Variants in SLC22A24 observed in about 807,000 individuals in gnomAD.
The protein encoded by SLC22A24 is steroid transmembrane transporter SLC22A24.
Under a neutral mutation model 49.8 loss-of-function variants are expected in SLC22A24, and 53 were observed. The observed-to-expected ratio is 1.06, with a 90% CI of 0.85 to 1.34. The LOEUF is 1.34. SLC22A24 is among the 40% of genes most tolerant of loss of function. The pLI is 0.00. For missense variants in SLC22A24, 786 were observed against 675.9 expected (o/e 1.16, Z -1.81); for synonymous variants, 302 against 256.4 (o/e 1.18, Z -1.70).
chr11:63,119,015 C>A lies in SLC22A24; in HGVS notation c.727G>T (p.Val243Phe), dbSNP rs577995690. 3 of 1,551,564 alleles carry A rather than the reference C, an allele frequency of 1.9e-6. No individual in the cohort carries two copies. The highest frequency in any genetic ancestry group is 2.6e-6 in the Non-Finnish European group (3 of 1,146,942). ...AGCCCTCCTAGGAGCATCTGCCCAA[C>A]ACTGTAGGAACATAATAGCACCATT... ...TIMVLLCSYS[V>F]GQMLLGGLAF... Residue 243 changes from valine (V) to phenylalanine (F), a missense_variant, in exon 4 of 10, where the codon GTT becomes TTT. Val to Phe is a conservative substitution (Grantham distance 50). Coordinates refer to ENST00000612278, the MANE Select transcript of SLC22A24 (RefSeq NM_001136506.2).
At chr11:63,118,443 T>C (rs924196740) in intron 4 of SLC22A24, 1 of 175,638 alleles carries the variant, frequency 5.7e-6, no homozygotes, top group Non-Finnish European at 1.2e-5. Flanking sequence ...AACCAATTTT[T>C]GGAGATCCTA....
At chr11:63,140,808 T>C (rs2087410274) in intron 1 of SLC22A24, among the ~76,000 whole-genome samples, 1 of 152,178 alleles carries the variant, frequency 6.6e-6, no homozygotes, top group Non-Finnish European at 1.5e-5. Context: ...GGCATAAGAA[T>C]ATGGCTTTTG....
rs1355312764 is a variant in SLC22A24 at position 63,104,308 on chromosome 11, G to GA, written c.831-11dup. The GA allele has an allele frequency of 6.5e-7, 1 of 1,546,898 alleles. No homozygotes were observed. Among genetic ancestry groups the GA allele is most frequent in the African/African-American group, 1.4e-5 (1 of 72,806 alleles). On this transcript the variant is annotated splice_polypyrimidine_tract_variant and intron_variant, in intron 4 of 9. Coordinates refer to ENST00000612278, the MANE Select transcript of SLC22A24 (RefSeq NM_001136506.2). ...AGACTCCACCATCTTCCTGATGAAA[G>GA]AAGACAACATAGGTATAGTAAACAA...
At chr11:63,104,424 C>G (rs1954993) in intron 4 of SLC22A24, 126 bp from the exon 5 acceptor site, 1 of 1,081,488 alleles carries the variant, frequency 9.2e-7, no homozygotes, top group Non-Finnish European at 1.3e-6. Flanking sequence ...TCATTTCTGA[C>G]CAAATTGGCC....
intron 6 of SLC22A24, among the ~76,000 whole-genome samples, chr11:63,086,350 C>A (rs1211831700): frequency 6.6e-6 from 1 of 152,134 alleles, no homozygotes; most frequent in Non-Finnish European, 1.5e-5. Flanking sequence ...GAATACTATG[C>A]AGCCATAAAG....
chr11:63,102,788 C>G (rs2087099013), intron 5 of SLC22A24, among the ~76,000 whole-genome samples: 1 of 152,096 alleles, frequency 6.6e-6, no homozygotes, highest in African/African-American at 2.4e-5. Flanking sequence ...GCCTTGAGAC[C>G]TAATCAAGGA....
chr11:63,143,561 C>T lies in SLC22A24; in HGVS notation c.219G>A (p.Leu73=). 1.3e-6 allele frequency: 2 copies of T among 1,576,424 alleles called. No individual in the cohort carries two copies. The highest frequency in any genetic ancestry group is 1.7e-6 in the Non-Finnish European group (2 of 1,163,004). Residue 73 remains leucine, a synonymous_variant, in exon 1 of 10, where the codon CTG becomes CTA. Coordinates refer to ENST00000612278, the MANE Select transcript of SLC22A24 (RefSeq NM_001136506.2). ...DTGTLSKDDL[L]RISIPLDSNL... ...TTGAGTCCAGTGGGATGGAGATTCT[C>T]AGGAGGTCATCCTTGCTGAGGGTCC... is the stretch of plus-strand genomic sequence containing the variant.
chr11:63,131,208 TAAAG>T (rs2087332830), intron 2 of SLC22A24, among the ~76,000 whole-genome samples: 1 of 152,130 alleles, frequency 6.6e-6, no homozygotes, highest in Non-Finnish European at 1.5e-5. Flanking sequence ...AGCACACCGA[TAAAG>T]AGTCTTGACT....
At chr11:63,106,973 G>A (rs2087125794) in intron 4 of SLC22A24, among the ~76,000 whole-genome samples, 1 of 152,138 alleles carries the variant, frequency 6.6e-6, no homozygotes, top group Non-Finnish European at 1.5e-5. Context: ...TGTTGCCATT[G>A]CTTTTGGTGT....
intron 6 of SLC22A24, among the ~76,000 whole-genome samples, chr11:63,095,382 A>T (rs997158806): frequency 6.6e-6 from 1 of 152,196 alleles, no homozygotes; most frequent in Non-Finnish European, 1.5e-5. Flanking sequence ...AGAGAAAATG[A>T]CCTACAATTA....
chr11:63,121,335 AAC>A (rs2087250320), intron 2 of SLC22A24, among the ~76,000 whole-genome samples: 2 of 152,178 alleles, frequency 1.3e-5, no homozygotes, highest in Non-Finnish European at 2.9e-5. Flanking sequence ...ATAGTAAAGA[AAC>A]ACATATCGAG....
chr11:63,128,655 T>C (rs2087310998), intron 2 of SLC22A24, among the ~76,000 whole-genome samples: 1 of 152,178 alleles, frequency 6.6e-6, no homozygotes, highest in Non-Finnish European at 1.5e-5. Flanking sequence ...AATAATGGCG[T>C]AAACTGTCTC....
chr11:63,121,352 T>C (rs1352596404), intron 2 of SLC22A24, among the ~76,000 whole-genome samples: 1 of 152,130 alleles, frequency 6.6e-6, no homozygotes, highest in Non-Finnish European at 1.5e-5. Flanking sequence ...ATCGAGATGT[T>C]AATATTAGAA....
intron 4 of SLC22A24, among the ~76,000 whole-genome samples, chr11:63,106,546 C>G (rs1334079672): frequency 1.3e-5 from 2 of 152,110 alleles, no homozygotes; most frequent in Non-Finnish European, 2.9e-5. Context: ...TTTCCACTAA[C>G]AGTGTAAAAG....
intron 5 of SLC22A24, among the ~76,000 whole-genome samples, chr11:63,096,388 C>G (rs545465027): frequency 1.3e-5 from 2 of 152,210 alleles, no homozygotes; most frequent in Admixed American, 1.3e-4. Flanking sequence ...CATTATAAAT[C>G]GGAGGAAATG....
At chr11:63,125,528 G>A (rs1194352408) in intron 2 of SLC22A24, among the ~76,000 whole-genome samples, 3 of 152,156 alleles carry the variant, frequency 2.0e-5, no homozygotes, top group Non-Finnish European at 4.4e-5. Flanking sequence ...TGGTGTATAT[G>A]TGCTACATTT....
chr11:63,120,919 T>G (rs1484718908), intron 2 of SLC22A24, among the ~76,000 whole-genome samples: 1 of 152,114 alleles, frequency 6.6e-6, no homozygotes, highest in Non-Finnish European at 1.5e-5. Flanking sequence ...ATTGGAAAAC[T>G]GAGAAATAGA....
At chr11:63,119,407 C>T (rs954602383) in intron 2 of SLC22A24, 72 bp from the exon 3 acceptor site, 12 of 1,346,666 alleles carry the variant, frequency 8.9e-6, no homozygotes, top group Admixed American at 5.7e-5. Flanking sequence ...CAAACAATGG[C>T]GCATCTTGAA....
intron 2 of SLC22A24, among the ~76,000 whole-genome samples, chr11:63,129,404 T>C (rs1026532494): frequency 1.3e-5 from 2 of 152,222 alleles, no homozygotes; most frequent in African/African-American, 4.8e-5. Flanking sequence ...TGAAGTCAGG[T>C]AGCGTGTTGC....
Sources: allele counts gnomAD v4.1 joint callset (sites outside exome capture counted in the v4.1 genomes callset), GRCh38; gene constraint gnomAD v4.1.1; transcripts MANE v1.5; gene names NCBI Gene and HGNC (gene_info 2026-07-23, HGNC 2026-07-21).